The following CR1 variants were observed in gnomAD, a reference collection of about 807,000 sequenced individuals.
CR1 encodes complement C3b/C4b receptor 1 (Knops blood group).
CR1 carries 116 observed loss-of-function variants against 187.3 expected under a neutral mutation model. The observed-to-expected ratio is 0.62, with a 90% CI of 0.53 to 0.72. CR1 has a LOEUF of 0.72. Among genes scored for constraint, CR1 ranks in the 30% least tolerant of loss-of-function variants. CR1 has a pLI of 0.00. For synonymous variants in CR1, 576 were observed against 747.1 expected (o/e 0.77, Z 3.73); for missense variants, 1,731 against 2,110.7 (o/e 0.82, Z 3.52).
chr1:207,516,776 A>T (rs1190392420), intron 4 of CR1, among the ~76,000 whole-genome samples: 1 of 151,958 alleles, frequency 6.6e-6, no homozygotes, highest in Non-Finnish European at 1.5e-5. Context: ...TACTTCTTAG[A>T]TATGCACCTG....
chr1:207,638,373 A>G (rs928696881), intron 46 of CR1, among the ~76,000 whole-genome samples: 7 of 152,214 alleles, frequency 4.6e-5, no homozygotes, highest in Admixed American at 6.5e-5. Flanking sequence ...AACAATGTAA[A>G]ATCACAGTAC....
rs1293476053 is a variant in CR1, at chr1:207,601,060, G to T, written c.5811-6191G>T. Among the ~76,000 whole-genome samples the T allele has an allele frequency of 2.0e-5, 3 of 151,772 alleles. No individual in the cohort carries two copies. In the East Asian group the frequency reaches 5.8e-4, roughly 29 times the overall value. On this transcript the variant is annotated intron_variant, in intron 35 of 46. Transcript: ENST00000367049. ...TAAATTATTAAAAACATATATAAAA[G>T]GCTGCTGGAGTAAGGAATTAATAAA... is the stretch of plus-strand genomic sequence containing the variant.
At chr1:207,583,742 T>C (rs1022238593) in intron 32 of CR1, among the ~76,000 whole-genome samples, 6 of 152,208 alleles carry the variant, frequency 3.9e-5, no homozygotes, top group Non-Finnish European at 8.8e-5. Flanking sequence ...AGTCAGCTAT[T>C]TGACAATCTT....
intron 46 of CR1, among the ~76,000 whole-genome samples, chr1:207,634,149 G>A (rs945368930): frequency 2.0e-5 from 3 of 152,094 alleles, no homozygotes; most frequent in Non-Finnish European, 4.4e-5. Flanking sequence ...GGGTGTATAC[G>A]TGCAAGTCAC....
rs1558237019 is a variant in CR1 at position 207,567,930 on chromosome 1, C to T, written c.4059C>T (p.His1353=). 3.1e-6 allele frequency: 5 copies of T among 1,610,514 alleles called. No homozygotes were observed. The South Asian group carries it at 3.3e-5, about 11-fold the overall frequency. ...GKAVNYTCDP[H]PDRGTSFDLI... is the part of the protein sequence containing the mutation. ...CAGTAAATTACACATGCGACCCCCA[C>T]CCAGACAGAGGGACGAGCTTCGACC... The change falls in exon 25 of 47, where the codon CAC becomes CAT. Residue 1353 remains histidine, a synonymous_variant. Coordinates refer to ENST00000367049, the MANE Select transcript of CR1 (RefSeq NM_000651.6).
chr1:207,617,922 G>A (rs971481337), intron 41 of CR1, 149 bp from the exon 42 acceptor site: 2 of 753,292 alleles, frequency 2.7e-6, no homozygotes, highest in African/African-American at 3.5e-5. Flanking sequence ...GTCTTTCACT[G>A]ATCAAATAGG....
intron 46 of CR1, among the ~76,000 whole-genome samples, 177 bp from the exon 47 acceptor site, chr1:207,639,220 C>T (rs113858419): frequency 0.013 from 2,032 of 152,238 alleles, 47 homozygotes; most frequent in African/African-American, 0.047. Flanking sequence ...TTTAGATGAC[C>T]AATTTGATCA....
intron 4 of CR1, among the ~76,000 whole-genome samples, chr1:207,515,319 CAT>C (rs976795386): frequency 3.4e-5 from 5 of 148,660 alleles, no homozygotes; most frequent in Non-Finnish European, 5.9e-5. Context: ...TATATATACA[CAT>C]ATATATAGTG....
chr1:207,573,721 C>T (rs1296714365), intron 27 of CR1, among the ~76,000 whole-genome samples: 1 of 152,110 alleles, frequency 6.6e-6, no homozygotes, highest in Non-Finnish European at 1.5e-5. Context: ...TTATATATTT[C>T]ATTTCATACA....
At position 207,617,997 on chromosome 1, in the gene CR1, A is replaced by C; in HGVS notation, c.6890-74A>C. 4 of 1,483,016 alleles carry C rather than the reference A, an allele frequency of 2.7e-6. No homozygotes were observed. In the South Asian group the frequency reaches 5.4e-5, roughly 20 times the overall value. 91.9% of individuals were successfully genotyped at this position (1,483,016 alleles called of 1,614,324 possible). A position where few individuals can be genotyped will look rare whatever the true frequency, so the allele number is the denominator to read the frequency against. On this transcript the variant is annotated intron_variant, in intron 41 of 46. Coordinates refer to ENST00000367049, the MANE Select transcript of CR1 (RefSeq NM_000651.6). ...TACCTCTAATAGCCAGAGATATTGGATGTGTTCATGTATTCATATGTCTAT... is the reference window on the plus strand; with the variant it reads ...TACCTCTAATAGCCAGAGATATTGGCTGTGTTCATGTATTCATATGTCTAT...
chr1:207,510,245 C>T (rs1278323037), intron 3 of CR1, among the ~76,000 whole-genome samples: 1 of 152,088 alleles, frequency 6.6e-6, no homozygotes, highest in African/African-American at 2.4e-5. Context: ...CAACAAAAAT[C>T]CCAAATGATA....
intron 42 of CR1, among the ~76,000 whole-genome samples, chr1:207,619,490 T>C (rs906899645): frequency 1.2e-4 from 18 of 152,188 alleles, no homozygotes; most frequent in African/African-American, 4.1e-4. Flanking sequence ...AATTATGCAT[T>C]TAATAAAGAG....
chr1:207,619,052 A>AAAG (rs1662233692), intron 42 of CR1, among the ~76,000 whole-genome samples: 1 of 143,938 alleles, frequency 6.9e-6, no homozygotes, highest in African/African-American at 2.6e-5. Context: ...AAAAAAAAAA[A>AAAG]AAAGAAAAGA....
At chr1:207,576,553 C>A (rs1008599340) in intron 28 of CR1, among the ~76,000 whole-genome samples, 4 of 152,190 alleles carry the variant, frequency 2.6e-5, no homozygotes, top group African/African-American at 9.7e-5. Flanking sequence ...TGTGGTGACT[C>A]AAACTTGTAA....
intron 23 of CR1, among the ~76,000 whole-genome samples, chr1:207,564,525 C>A (rs7544578): frequency 0.2 from 29,315 of 149,736 alleles, 3,902 homozygotes; most frequent in South Asian, 0.43. Context: ...ATCAGCCAGG[C>A]ACGGTGGCTC....
intron 33 of CR1, 34 bp from the exon 34 acceptor site, chr1:207,587,352 C>A: frequency 6.3e-7 from 1 of 1,579,394 alleles, no homozygotes; most frequent in Non-Finnish European, 8.6e-7. Context: ...AGTCTCTCTG[C>A]TAACTTTGAT....
intron 35 of CR1, among the ~76,000 whole-genome samples, chr1:207,601,458 TG>T (rs1661602423): frequency 1.3e-5 from 2 of 152,290 alleles, no homozygotes; most frequent in South Asian, 4.1e-4. Context: ...CTGGGGGATA[TG>T]GTAATTCTGT....
intron 4 of CR1, among the ~76,000 whole-genome samples, chr1:207,516,912 CTTTCT>C (rs1168596786): frequency 6.6e-6 from 1 of 151,828 alleles, no homozygotes; most frequent in Non-Finnish European, 1.5e-5. Flanking sequence ...ACATCTTTTC[CTTTCT>C]TATGTCTTTT....
At chr1:207,603,907 A>T (rs978109141) in intron 35 of CR1, among the ~76,000 whole-genome samples, 8 of 152,318 alleles carry the variant, frequency 5.3e-5, no homozygotes, top group African/African-American at 1.9e-4. Flanking sequence ...AAGGATTCAG[A>T]TCTTCACATG....
Sources: allele counts gnomAD v4.1 joint callset (sites outside exome capture counted in the v4.1 genomes callset), GRCh38; gene constraint gnomAD v4.1.1; transcripts MANE v1.5; gene names NCBI Gene and HGNC (gene_info 2026-07-23, HGNC 2026-07-21).